Variants in AGAP9 observed in about 807,000 individuals in gnomAD.
The protein encoded by AGAP9 is ArfGAP with GTPase domain, ankyrin repeat and PH domain 9.
In AGAP9, 23 loss-of-function variants were observed where a neutral mutation model predicts 55.6. The observed-to-expected ratio is 0.41, with a 90% CI of 0.30 to 0.59. AGAP9 has a LOEUF of 0.59. AGAP9 is among the 20% of genes least tolerant of loss of function. The pLI is 0.25. For missense variants in AGAP9, 309 were observed against 808.1 expected (o/e 0.38, Z 7.49); for synonymous variants, 120 against 305.0 (o/e 0.39, Z 6.32).
chr10:47,516,748 G>GA lies in AGAP9; in HGVS notation c.396+1074dup, dbSNP rs1840723769. On this transcript the variant is annotated intron_variant, in intron 4 of 7. Transcript: ENST00000452145. ...AGGAACAGATGTGTTTTTGCAGATG[G>GA]AAAATATCTTTGAAAGGCATGTGAT... Among the ~76,000 whole-genome samples, 2 of 131,960 alleles carry GA rather than the reference G, an allele frequency of 1.5e-5. 1 individual carries two copies. Among genetic ancestry groups the GA allele is most frequent in the Non-Finnish European group, 3.1e-5 (2 of 64,854 alleles). 86.6% of individuals were successfully genotyped at this position (131,960 alleles called of 152,430 possible).
rs1204385767 is a variant in AGAP9, at chr10:47,516,527, C to T, written c.396+1296G>A. ...AAATGTGTTCAAGTACAACTAGAGA[C>T]GATAACAGGACAGAAGGAAACACAG... On this transcript the variant is annotated intron_variant, in intron 4 of 7. Coordinates refer to ENST00000452145, the MANE Select transcript of AGAP9 (RefSeq NM_001190810.1). Among the ~76,000 whole-genome samples, 34 of 134,974 alleles carry T rather than the reference C, an allele frequency of 2.5e-4. 5 individuals carry two copies. Among genetic ancestry groups the T allele is most frequent in the South Asian group, 7.1e-4 (3 of 4,202 alleles). 88.5% of individuals were successfully genotyped at this position (134,974 alleles called of 152,430 possible).
intron 4 of AGAP9, among the ~76,000 whole-genome samples, chr10:47,514,377 A>C (rs1239450203): frequency 6.8e-6 from 1 of 147,582 alleles, no homozygotes; most frequent in Non-Finnish European, 1.5e-5. Context: ...GGAAAACCAA[A>C]TATCATGTTC....
Position 47,502,158 on chromosome 10 carries a change from C to A in AGAP9, c.1971G>T (p.Gln657His). The part of the protein sequence containing the change: ...TSWPEMPTGT[Q>H]R The stretch of plus-strand genomic sequence containing the variant: ...GAGGCCTGCCGGGCGTAGGTCAGCG[C>A]TGTGTTCCCGTGGGCATCTCGGGCC... Residue 657 changes from glutamine (Q) to histidine (H), a missense_variant, in exon 8 of 8, where the codon CAG becomes CAT. Physicochemically the swap from Gln to His is conservative, Grantham distance 24. Transcript: ENST00000452145. 4 of 1,565,660 alleles carry A rather than the reference C, an allele frequency of 2.6e-6. 1 individual carries two copies. Among genetic ancestry groups the A allele is most frequent in the Non-Finnish European group, 3.5e-6 (4 of 1,153,060 alleles).
intron 7 of AGAP9, among the ~76,000 whole-genome samples, chr10:47,503,972 A>AT (rs2132473292): frequency 8.6e-6 from 1 of 116,120 alleles, no homozygotes; most frequent in South Asian, 2.8e-4. Context: ...AAAAAGATAC[A>AT]TTTTCTGTTG....
chr10:47,510,108 C>T, intron 5 of AGAP9, 63 bp downstream of exon 5: 1 of 1,359,898 alleles, frequency 7.4e-7, no homozygotes. Context: ...AAGAGGACAA[C>T]CAAATGGCTG....
intron 6 of AGAP9, among the ~76,000 whole-genome samples, chr10:47,504,859 T>TG (rs1351070291): frequency 8.9e-5 from 11 of 123,728 alleles, no homozygotes; most frequent in Admixed American, 3.4e-4. Context: ...TTTTTTTTTT[T>TG]TTTTTTTTTT....
chr10:47,513,516 T>G (rs1163988766), intron 4 of AGAP9, among the ~76,000 whole-genome samples: 1 of 141,746 alleles, frequency 7.1e-6, no homozygotes, highest in Non-Finnish European at 1.5e-5. Context: ...CCATCCTTCT[T>G]CACAGAACTA....
rs1215397156 is a variant in AGAP9, at chr10:47,502,813, T to C, written c.1316A>G (p.Gln439Arg). Residue 439 changes from glutamine (Q) to arginine (R), a missense_variant, in exon 8 of 8, where the codon CAG becomes CGG. Coordinates refer to ENST00000452145, the MANE Select transcript of AGAP9 (RefSeq NM_001190810.1). ...CTGCAGGCTGGCCAGGATCTGGCTCTGGATGGCTTGGACCCAGGCATCCCG... is the reference window on the plus strand; with the variant it reads ...CTGCAGGCTGGCCAGGATCTGGCTCCGGATGGCTTGGACCCAGGCATCCCG... ...EERDAWVQAIQSQILASLQSC... is the reference protein window; with the variant it reads ...EERDAWVQAIRSQILASLQSC... 11 of 1,595,524 alleles carry C rather than the reference T, an allele frequency of 6.9e-6. 1 individual carries two copies. The highest frequency in any genetic ancestry group is 5.5e-5 in the South Asian group (5 of 90,430).
chr10:47,502,926 T>A lies in AGAP9; in HGVS notation c.1203A>T (p.Lys401Asn). 6.2e-7 allele frequency: 1 copy of A among 1,602,784 alleles called. No individual in the cohort carries two copies. Among genetic ancestry groups the A allele is most frequent in the Non-Finnish European group, 8.5e-7 (1 of 1,177,306 alleles). Residue 401 changes from lysine (K) to asparagine (N), a missense_variant, in exon 8 of 8, where the codon AAA (lysine) becomes AAT (asparagine). Lys to Asn is a moderately conservative substitution (Grantham distance 94). Coordinates refer to ENST00000452145, the MANE Select transcript of AGAP9 (RefSeq NM_001190810.1). ...PPPSPHANKK[K>N]HLKKKSTNNF... ...TGTTGGTGCTTTTCTTCTTTAGGTG[T>A]TTCTTTTTATTGGCATGAGGAGAGG...
chr10:47,505,585 G>C (rs1840459630), intron 6 of AGAP9, among the ~76,000 whole-genome samples: 1 of 119,172 alleles, frequency 8.4e-6, no homozygotes, highest in African/African-American at 3.1e-5. Flanking sequence ...GTACAACTGG[G>C]CCAGCGCAGT....
intron 2 of AGAP9, among the ~76,000 whole-genome samples, chr10:47,522,062 C>T (rs1419508438): frequency 6.6e-6 from 1 of 150,732 alleles, no homozygotes; most frequent in Non-Finnish European, 1.5e-5. Context: ...GCTGGGATTA[C>T]AGGCGTGAGC....
Position 47,510,164 on chromosome 10 carries a change from T to TA in AGAP9, c.497+6dup, listed in dbSNP as rs1458177256. ...AATCTGTCCCTCGGCAGCATAGTTGTACTCACGATATTATTGTCATTGTAA... is the reference window on the plus strand; with the variant it reads ...AATCTGTCCCTCGGCAGCATAGTTGTAACTCACGATATTATTGTCATTGTAA... On this transcript the variant is annotated splice_region_variant and intron_variant, in intron 5 of 7. Coordinates refer to ENST00000452145, the MANE Select transcript of AGAP9 (RefSeq NM_001190810.1). 2 of 1,249,892 alleles carry TA rather than the reference T, an allele frequency of 1.6e-6. 1 individual carries two copies. Among genetic ancestry groups the TA allele is most frequent in the Admixed American group, 4.7e-5 (2 of 42,748 alleles). 77.4% of individuals were successfully genotyped at this position (1,249,892 alleles called of 1,614,324 possible).
At chr10:47,510,935 AATTTATTTATTT>A (rs1174596618) in intron 4 of AGAP9, among the ~76,000 whole-genome samples, 3 of 113,506 alleles carry the variant, frequency 2.6e-5, no homozygotes, top group African/African-American at 6.7e-5. Flanking sequence ...TTAATTAATT[AATTTATTTATTT>A]ATTTATTTAT....
At chr10:47,507,043 CA>C (rs2132478295) in intron 6 of AGAP9, among the ~76,000 whole-genome samples, 1 of 131,660 alleles carries the variant, frequency 7.6e-6, no homozygotes, top group South Asian at 2.6e-4. Context: ...ACAAATGACA[CA>C]CTTTTTACTC....
At chr10:47,511,145 G>A (rs1176956048) in intron 4 of AGAP9, among the ~76,000 whole-genome samples, 1 of 133,272 alleles carries the variant, frequency 7.5e-6, no homozygotes. Context: ...GGGTTTCACC[G>A]TGTTAGCCAG....
intron 7 of AGAP9, among the ~76,000 whole-genome samples, chr10:47,503,937 C>CAAAAAAAAAAA (rs1186798630): frequency 1.3e-4 from 3 of 23,442 alleles, no homozygotes; most frequent in Non-Finnish European, 1.4e-4. Flanking sequence ...GAGAGTCCAT[C>CAAAAAAAAAAA]AAAAAAAAAA....
intron 7 of AGAP9, 105 bp from the exon 8 acceptor site, chr10:47,503,648 A>C: frequency 3.6e-6 from 3 of 832,736 alleles, no homozygotes; most frequent in Non-Finnish European, 3.5e-6. Flanking sequence ...TTTCTGGGCC[A>C]GGCATGGTGG....
At chr10:47,503,717 A>T (rs1288526154) in intron 7 of AGAP9, among the ~76,000 whole-genome samples, 174 bp from the exon 8 acceptor site, 19 of 128,668 alleles carry the variant, frequency 1.5e-4, no homozygotes, top group Admixed American at 5.5e-4. Context: ...CGAGGTCAGG[A>T]GTTCAAGACC....
intron 4 of AGAP9, among the ~76,000 whole-genome samples, chr10:47,513,410 C>T (rs1840669626): frequency 7.0e-6 from 1 of 142,108 alleles, no homozygotes; most frequent in Non-Finnish European, 1.5e-5. Flanking sequence ...AATGGAAAGA[C>T]ACCCATGCTC....
Sources: gnomAD v4.1 joint callset for allele counts (sites outside exome capture counted in the v4.1 genomes callset) on GRCh38, gnomAD v4.1.1 for gene constraint, MANE v1.5 for transcripts, NCBI Gene and HGNC (gene_info 2026-07-23, HGNC 2026-07-21) for gene names.